The following RP1 variants were observed in gnomAD, a reference collection of about 807,000 sequenced individuals.
The protein encoded by RP1 is oxygen-regulated protein 1.
Under a neutral mutation model 14.8 loss-of-function variants are expected in RP1, and 16 were observed. The ratio of observed to expected loss-of-function variants is 1.08; its 90% CI spans 0.73 to 1.65. The LOEUF (loss-of-function observed/expected upper bound fraction) is 1.65. Among genes scored for constraint, RP1 ranks in the 40% most tolerant of loss-of-function variants. The probability of loss-of-function intolerance (pLI) is 0.00; values close to 1 mark genes in which losing one functional copy is unlikely to be tolerated. For synonymous variants in RP1, 876 were observed against 883.6 expected, an observed-to-expected ratio of 0.99 and a Z score of 0.15; for missense variants, 2,631 against 2,535.0, an observed-to-expected ratio of 1.04 and a Z score of -0.81.
At chr8:54,841,714 C>T (rs915310878) in intron 25 of RP1, among the ~76,000 whole-genome samples, 17 of 152,194 alleles carry the variant, frequency 1.1e-4, no homozygotes, top group African/African-American at 3.9e-4. Context: ...TTGCCCTTGG[C>T]TTGTTGTCCT....
rs773912884 is a variant in RP1 at position 54,679,430 on chromosome 8, CA to C, written c.1490del (p.Gln497ArgfsTer53). 5.8e-4 allele frequency: 889 copies of C among 1,535,648 alleles called. No individual in the cohort carries two copies. The highest frequency in any genetic ancestry group is 7.4e-4 in the Non-Finnish European group (846 of 1,146,644). On this transcript the variant is annotated frameshift_variant, in exon 10 of 23. Transcript: ENST00000636932. LOFTEE classifies it high-confidence loss of function. ...CTTTTCTTTTCACAGATGGCTAGATCAGGGGGAAGATGATTGTAAAATTGTC... is the reference window on the plus strand; with the variant it reads ...CTTTTCTTTTCACAGATGGCTAGATCGGGGGAAGATGATTGTAAAATTGTC...
chr8:54,650,403 T>C (rs985455208), intron 4 of RP1, among the ~76,000 whole-genome samples: 1 of 152,210 alleles, frequency 6.6e-6, no homozygotes, highest in African/African-American at 2.4e-5. Flanking sequence ...GTACTTTCTT[T>C]GTATAGACCT....
chr8:54,805,269 A>G (rs1483514798), intron 24 of RP1, among the ~76,000 whole-genome samples: 1 of 152,228 alleles, frequency 6.6e-6, no homozygotes, highest in Admixed American at 6.5e-5. Flanking sequence ...GTTATATAGT[A>G]TATAATTAGT....
intron 1 of RP1, among the ~76,000 whole-genome samples, chr8:54,597,293 T>C (rs13265384): frequency 0.36 from 55,000 of 151,986 alleles, 10,407 homozygotes; most frequent in Middle Eastern, 0.43. Flanking sequence ...TAGTACATAC[T>C]TCCTATAGTT....
rs142927293 is a variant in RP1, at chr8:54,744,423, T to A, written c.2808+5394T>A. Among the ~76,000 whole-genome samples, 22 of 152,346 alleles carry A rather than the reference T, an allele frequency of 1.4e-4. No homozygotes were observed. In the East Asian group the frequency reaches 3.7e-3, roughly 25 times the overall value. On this transcript the variant is annotated intron_variant, in intron 19 of 22. Transcript: ENST00000636932. ...GGGAAGGTTATGAAATATTTCATCC[T>A]AAATATGTAAAATAATTTGTTCCCC...
intron 1 of RP1, among the ~76,000 whole-genome samples, chr8:54,597,138 C>A (rs1444196521): frequency 6.6e-6 from 1 of 152,150 alleles, no homozygotes; most frequent in Non-Finnish European, 1.5e-5. Flanking sequence ...ATGGTCTCCA[C>A]ACATACACAG....
intron 22 of RP1, among the ~76,000 whole-genome samples, chr8:54,762,057 G>T (rs12548593): frequency 0.39 from 59,530 of 152,052 alleles, 12,433 homozygotes; most frequent in African/African-American, 0.53. Context: ...AGCCATGGGT[G>T]CACGCAGGAG....
intron 1 of RP1, among the ~76,000 whole-genome samples, chr8:54,573,923 A>T (rs1214783304): frequency 6.6e-6 from 1 of 152,230 alleles, no homozygotes; most frequent in African/African-American, 2.4e-5. Flanking sequence ...AGAGGGGAGC[A>T]GGGCCATTTG....
intron 16 of RP1, among the ~76,000 whole-genome samples, chr8:54,722,998 A>G (rs1359987089): frequency 2.6e-5 from 4 of 152,194 alleles, no homozygotes; most frequent in African/African-American, 9.6e-5. Flanking sequence ...GCTCAGAAGT[A>G]TAGCAGGGTA....
At chr8:54,604,199 T>A (rs935620368) in intron 1 of RP1, among the ~76,000 whole-genome samples, 1 of 152,328 alleles carries the variant, frequency 6.6e-6, no homozygotes, top group African/African-American at 2.4e-5. Flanking sequence ...CTTATTATTT[T>A]GAGATAATTC....
At chr8:54,616,512 A>G (rs1351363806) in intron 1 of RP1, among the ~76,000 whole-genome samples, 1 of 152,234 alleles carries the variant, frequency 6.6e-6, no homozygotes, top group Non-Finnish European at 1.5e-5. Context: ...TAGGCAATAC[A>G]CTAAAGAAGA....
chr8:54,788,147 T>G (rs1041567931), intron 24 of RP1, among the ~76,000 whole-genome samples: 2 of 152,206 alleles, frequency 1.3e-5, no homozygotes, highest in African/African-American at 4.8e-5. Flanking sequence ...GGAAGGCAGC[T>G]TGGCAGATGG....
In RP1 at chr8:54,627,097, A is replaced by G. The variant is rs756775228; in HGVS notation, c.3215A>G (p.Asp1072Gly). 8 of 1,614,000 alleles carry G rather than the reference A, an allele frequency of 5.0e-6. No individual in the cohort carries two copies. The highest frequency in any genetic ancestry group is 6.8e-6 in the Non-Finnish European group (8 of 1,179,998). ...RQSVEAAIQV[D>G]PIEEETPKDL... is the part of the protein sequence containing the mutation. ...AGTGTAGAGGCTGCCATTCAAGTAG[A>G]TCCTATAGAAGAGGAAACTCCAAAA... Residue 1072 changes from aspartate to glycine, a missense_variant, in exon 4 of 4, where the codon GAT becomes GGT. Coordinates refer to ENST00000220676, the MANE Select transcript of RP1 (RefSeq NM_006269.2).
chr8:54,649,942 A>G (rs981030381), intron 4 of RP1, among the ~76,000 whole-genome samples: 1 of 152,200 alleles, frequency 6.6e-6, no homozygotes, highest in East Asian at 1.9e-4. Context: ...ATATGAGTCA[A>G]TATTTAAAGA....
exon 29 of RP1, chr8:54,870,164 T>C (rs553786653): frequency 2.8e-5 from 10 of 358,688 alleles, no homozygotes; most frequent in Non-Finnish European, 5.0e-5. Flanking sequence ...GGGGTACCCA[T>C]ACTGCTGCTG....
At chr8:54,774,063 A>T (rs951851733), downstream of RP1, among the ~76,000 whole-genome samples, 3 of 152,236 alleles carry the variant, frequency 2.0e-5, no homozygotes, top group African/African-American at 7.2e-5. Context: ...GATTAAGAAC[A>T]TAAAATATTC....
At chr8:54,569,341 A>G (rs1363228418) in intron 1 of RP1, among the ~76,000 whole-genome samples, 1 of 152,212 alleles carries the variant, frequency 6.6e-6, no homozygotes, top group Non-Finnish European at 1.5e-5. Flanking sequence ...ACACATGGCT[A>G]TATTAGCATG....
Position 54,621,979 on chromosome 8 carries a change from C to T in RP1, c.616-138C>T, listed in dbSNP as rs930047324. ...GTATTTCCGCTTATTTTGTATACACCATTGGTGCCTAAGAAAATGCTCAGT... is the reference window on the plus strand; with the variant it reads ...GTATTTCCGCTTATTTTGTATACACTATTGGTGCCTAAGAAAATGCTCAGT... On this transcript the variant is annotated intron_variant, in intron 2 of 3. Transcript: ENST00000220676. 4.6e-6 allele frequency: 4 copies of T among 876,050 alleles called. No homozygotes were observed. In the Admixed American group the frequency reaches 6.0e-5, roughly 13 times the overall value. 54.3% of individuals were successfully genotyped at this position (876,050 alleles called of 1,614,324 possible). A position where few individuals can be genotyped will look rare whatever the true frequency, so the allele number is the denominator to read the frequency against.
chr8:54,829,984 A>G (rs1811479893), intron 24 of RP1, among the ~76,000 whole-genome samples: 1 of 152,194 alleles, frequency 6.6e-6, no homozygotes, highest in South Asian at 2.1e-4. Flanking sequence ...TGTTCTTAGA[A>G]TTAAAAAAAG....
Sources: gnomAD v4.1 joint callset for allele counts (sites outside exome capture counted in the v4.1 genomes callset) on GRCh38, gnomAD v4.1.1 for gene constraint, MANE v1.5 for transcripts, NCBI Gene and HGNC (gene_info 2026-07-23, HGNC 2026-07-21) for gene names.